DHRSX: variants seen among roughly 807,000 people sequenced by gnomAD.
DHRSX encodes the protein dehydrogenase/reductase X-linked.
A neutral mutation model predicts 34.0 loss-of-function variants in DHRSX; 31 were observed. That is an observed-to-expected ratio of 0.91 (90% CI 0.69 to 1.23). The LOEUF is 1.23. Ranked by LOEUF, DHRSX falls within the 50% of genes most tolerant of loss-of-function variation. The probability of loss-of-function intolerance (pLI) is 0.00; values close to 1 mark genes in which losing one functional copy is unlikely to be tolerated. For synonymous variants in DHRSX, 201 were observed against 183.8 expected (o/e 1.09, Z -0.76); for missense variants, 414 against 428.1 (o/e 0.97, Z 0.29).
At chrX:2,379,928 G>A (rs753195881) in intron 3 of DHRSX, among the ~76,000 whole-genome samples, 3 of 152,140 alleles carry the variant, frequency 2.0e-5, no homozygotes, top group South Asian at 2.1e-4. Context: ...TAGCAGGACC[G>A]CCAGAATCTG....
intron 3 of DHRSX, among the ~76,000 whole-genome samples, chrX:2,321,658 T>C (rs1046658757): frequency 9.2e-5 from 14 of 152,118 alleles, no homozygotes; most frequent in Non-Finnish European, 1.9e-4. Flanking sequence ...TGGTGCCACC[T>C]GGATGTAAAC....
chrX:2,270,821 CTAAAATGGACCATTCAGCAGTCTG>C, intron 4 of DHRSX, among the ~76,000 whole-genome samples: 1 of 152,226 alleles, frequency 6.6e-6, no homozygotes, highest in African/African-American at 2.4e-5. Flanking sequence ...AATCAGCACT[CTAAAATGGACCATTCAGCAGTCTG>C]TAAAATGGAC....
At chrX:2,417,633 C>T (rs2043714161) in intron 2 of DHRSX, among the ~76,000 whole-genome samples, 1 of 151,656 alleles carries the variant, frequency 6.6e-6, no homozygotes, top group African/African-American at 2.4e-5. Context: ...TGTGACCTGA[C>T]CCAACTAGAA....
At chrX:2,343,090 C>T (rs189617918) in intron 3 of DHRSX, among the ~76,000 whole-genome samples, 155 of 152,260 alleles carry the variant, frequency 1.0e-3, no homozygotes, top group South Asian at 2.3e-3. Context: ...AAACCCGTCT[C>T]CGACCAAAAA....
intron 3 of DHRSX, among the ~76,000 whole-genome samples, chrX:2,359,088 C>T (rs1603001314): frequency 6.6e-6 from 1 of 152,140 alleles, no homozygotes; most frequent in African/African-American, 2.4e-5. Flanking sequence ...ATTACTAAAA[C>T]ATCAAAAAAC....
intron 5 of DHRSX, among the ~76,000 whole-genome samples, chrX:2,259,397 T>TATATAG (rs1187463376): frequency 7.7e-4 from 66 of 85,442 alleles, no homozygotes; most frequent in African/African-American, 4.8e-3. Flanking sequence ...GATATATAGA[T>TATATAG]ATATATATAG....
chrX:2,325,641 A>G (rs1246392186), intron 3 of DHRSX, among the ~76,000 whole-genome samples: 1 of 151,876 alleles, frequency 6.6e-6, no homozygotes, highest in Non-Finnish European at 1.5e-5. Flanking sequence ...AGCCCCGACC[A>G]ACTACAAAGC....
At chrX:2,490,324 G>T (rs145834233) in intron 1 of DHRSX, 2 of 1,613,256 alleles carry the variant, frequency 1.2e-6, no homozygotes, top group Admixed American at 3.3e-5. Flanking sequence ...CGCAGATGAG[G>T]CCCAGCACGG....
At chrX:2,327,319 GCT>G (rs763594359) in intron 3 of DHRSX, among the ~76,000 whole-genome samples, 4 of 152,196 alleles carry the variant, frequency 2.6e-5, no homozygotes, top group Non-Finnish European at 5.9e-5. Context: ...CTGTGGACAT[GCT>G]CTCTGTCTCT....
intron 3 of DHRSX, among the ~76,000 whole-genome samples, chrX:2,400,990 A>G (rs1226051458): frequency 2.6e-5 from 4 of 152,000 alleles, no homozygotes; most frequent in Admixed American, 2.0e-4. Context: ...TTGACCAGTG[A>G]TTTCTTTTAT....
intron 3 of DHRSX, among the ~76,000 whole-genome samples, chrX:2,408,267 G>T (rs1251908579): frequency 6.6e-6 from 1 of 151,932 alleles, no homozygotes; most frequent in Non-Finnish European, 1.5e-5. Flanking sequence ...GTAGAGATTG[G>T]GTTTCACCAT....
intron 3 of DHRSX, among the ~76,000 whole-genome samples, chrX:2,310,778 G>C (rs1205845913): frequency 6.6e-6 from 1 of 151,944 alleles, no homozygotes; most frequent in Non-Finnish European, 1.5e-5. Context: ...GAGAGACACA[G>C]AGAGACAGAT....
At chrX:2,371,391 C>A (rs1009364552) in intron 3 of DHRSX, among the ~76,000 whole-genome samples, 2 of 44,306 alleles carry the variant, frequency 4.5e-5, no homozygotes, top group African/African-American at 9.7e-5. Flanking sequence ...TTACCACAGT[C>A]CCCCCTTCTC....
chrX:2,372,215 G>A (rs2043080768), intron 3 of DHRSX, among the ~76,000 whole-genome samples: 1 of 152,096 alleles, frequency 6.6e-6, no homozygotes, highest in Non-Finnish European at 1.5e-5. Context: ...ACCAGAACCA[G>A]AAAAATTCAC....
intron 3 of DHRSX, among the ~76,000 whole-genome samples, chrX:2,304,204 A>ATGG (rs2042067645): frequency 6.4e-5 from 4 of 62,046 alleles, no homozygotes; most frequent in African/African-American, 2.2e-4. Context: ...TGGATGGATA[A>ATGG]ATGGATGGAT....
intron 2 of DHRSX, among the ~76,000 whole-genome samples, chrX:2,416,136 G>A (rs188451398): frequency 7.3e-5 from 11 of 150,810 alleles, no homozygotes; most frequent in Admixed American, 3.3e-4. Context: ...ACTAGATCTC[G>A]TCATGACCTA....
chrX:2,428,423 T>C (rs2043875929), intron 1 of DHRSX, among the ~76,000 whole-genome samples: 1 of 152,156 alleles, frequency 6.6e-6, no homozygotes, highest in South Asian at 2.1e-4. Flanking sequence ...ATGGACACCA[T>C]GGAATACTAT....
intron 3 of DHRSX, among the ~76,000 whole-genome samples, chrX:2,303,051 A>C (rs1306239363): frequency 6.6e-6 from 1 of 152,206 alleles, no homozygotes; most frequent in Non-Finnish European, 1.5e-5. Flanking sequence ...GAAAACCCAT[A>C]CTACTGCTAA....
At chrX:2,285,351 G>C (rs997136859) in intron 4 of DHRSX, among the ~76,000 whole-genome samples, 1 of 152,164 alleles carries the variant, frequency 6.6e-6, no homozygotes, top group African/African-American at 2.4e-5. Context: ...TCCATAAGGA[G>C]CACACAACCT....
Sources: allele counts gnomAD v4.1 joint callset (sites outside exome capture counted in the v4.1 genomes callset), GRCh38; gene constraint gnomAD v4.1.1; transcripts MANE v1.5; gene names NCBI Gene and HGNC (gene_info 2026-07-23, HGNC 2026-07-21).